The following OCM variants were observed in gnomAD, a reference collection of about 807,000 sequenced individuals.
The protein encoded by OCM is oncomodulin.
OCM carries 18 observed loss-of-function variants against 14.1 expected under a neutral mutation model. That is an observed-to-expected ratio of 1.28 (90% confidence interval 0.88 to 1.89). The LOEUF is 1.89. Ranked by LOEUF, OCM falls within the 40% of genes most tolerant of loss-of-function variation. The probability of loss-of-function intolerance (pLI) is 0.00; values close to 1 mark genes in which losing one functional copy is unlikely to be tolerated. For missense variants in OCM, 140 were observed against 137.6 expected (o/e 1.02, Z -0.09); for synonymous variants, 48 against 51.0 (o/e 0.94, Z 0.25).
chr7:5,863,981 G>C, the OCM span, among the ~76,000 whole-genome samples: 1 of 151,970 alleles, frequency 6.6e-6, no homozygotes, highest in Non-Finnish European at 1.5e-5. Flanking sequence ...CATCTGCTGA[G>C]GATGAAGACA....
chr7:5,864,097 T>G, the OCM span, among the ~76,000 whole-genome samples: 6 of 151,940 alleles, frequency 3.9e-5, no homozygotes, highest in Middle Eastern at 3.4e-3. Flanking sequence ...CCCGGCACTT[T>G]AGGAGGCTGA....
chr7:5,873,991 G>A, the OCM span, among the ~76,000 whole-genome samples: 6 of 150,948 alleles, frequency 4.0e-5, no homozygotes, highest in Non-Finnish European at 5.9e-5. Context: ...TGAGGGGGGC[G>A]GACTACTTGA....
At chr7:5,863,879 C>T in the OCM span, among the ~76,000 whole-genome samples, 17 of 152,100 alleles carry the variant, frequency 1.1e-4, no homozygotes, top group South Asian at 2.3e-3. Context: ...TGAGTGGATG[C>T]AGAGGCTGGG....
chr7:5,882,766 A>C (rs1187882054), intron 2 of OCM, 141 bp downstream of exon 2: 1 of 978,370 alleles, frequency 1.0e-6, no homozygotes, highest in Non-Finnish European at 1.5e-6. Flanking sequence ...AGCAAAGGAC[A>C]TGAGTCAGTT....
the OCM span, chr7:5,871,630 C>G: frequency 0.038 from 5,843 of 152,276 alleles, 153 homozygotes; most frequent in Non-Finnish European, 0.055. Flanking sequence ...GGTGTGAGAC[C>G]TGTAGTCTTC....
intron 3 of OCM, among the ~76,000 whole-genome samples, chr7:5,885,351 C>T (rs539606732): frequency 3.7e-4 from 56 of 152,122 alleles, no homozygotes; most frequent in African/African-American, 1.2e-3. Context: ...TACCCAGCTA[C>T]GGAATAGAGA....
At chr7:5,874,859 G>T (rs1298359508), upstream of OCM, among the ~76,000 whole-genome samples, 3 of 151,852 alleles carry the variant, frequency 2.0e-5, no homozygotes, top group East Asian at 5.8e-4. Context: ...TTGTGCAACT[G>T]TCACCACCAT....
At chr7:5,876,804 T>A (rs540348670), upstream of OCM, among the ~76,000 whole-genome samples, 50 of 150,850 alleles carry the variant, frequency 3.3e-4, no homozygotes, top group Non-Finnish European at 5.6e-4. Context: ...ATTGTCTACT[T>A]CTTTTTTTTT....
At chr7:5,880,760 AT>A, upstream of OCM, 26 of 817,042 alleles carry the variant, frequency 3.2e-5, no homozygotes, top group Non-Finnish European at 4.1e-5. Context: ...CTCCGTCTTA[AT>A]TTAAAAAAAA....
intron 1 of OCM, among the ~76,000 whole-genome samples, chr7:5,882,059 C>G (rs1340364178): frequency 7.4e-6 from 1 of 135,584 alleles, no homozygotes; most frequent in African/African-American, 2.8e-5. Context: ...TGCACTCCAG[C>G]CTGGTGACAG....
chr7:5,872,648 T>C, the OCM span, among the ~76,000 whole-genome samples: 3 of 152,054 alleles, frequency 2.0e-5, no homozygotes, highest in Admixed American at 6.6e-5. Flanking sequence ...GGGCAAGATG[T>C]GCTTTGTTAC....
the OCM span, among the ~76,000 whole-genome samples, chr7:5,873,477 C>G: frequency 6.6e-6 from 1 of 152,024 alleles, no homozygotes; most frequent in Non-Finnish European, 1.5e-5. Context: ...GGCAGGAGGA[C>G]TGCTCAAGCC....
chr7:5,869,222 G>A, the OCM span, among the ~76,000 whole-genome samples: 1 of 152,150 alleles, frequency 6.6e-6, no homozygotes, highest in Non-Finnish European at 1.5e-5. Flanking sequence ...TGTTCCCCAC[G>A]AGGGGGTGCC....
At chr7:5,865,500 T>G in the OCM span, among the ~76,000 whole-genome samples, 1 of 152,180 alleles carries the variant, frequency 6.6e-6, no homozygotes, top group Admixed American at 6.5e-5. Flanking sequence ...AGCCACTGCT[T>G]TTTAGAACAC....
upstream of OCM, among the ~76,000 whole-genome samples, chr7:5,879,036 A>T (rs1781155632): frequency 6.6e-6 from 1 of 152,038 alleles, no homozygotes; most frequent in African/African-American, 2.4e-5. Context: ...TCCAAAAAAT[A>T]TGCATATTTA....
At chr7:5,873,463 T>C in the OCM span, among the ~76,000 whole-genome samples, 12 of 152,090 alleles carry the variant, frequency 7.9e-5, no homozygotes, top group African/African-American at 2.9e-4. Context: ...ACTCAGGAGA[T>C]TGAGGCAGGA....
chr7:5,881,746 G>A (rs188526315), intron 1 of OCM, among the ~76,000 whole-genome samples: 14 of 152,164 alleles, frequency 9.2e-5, no homozygotes, highest in Admixed American at 2.0e-4. Flanking sequence ...CTGAGCACAC[G>A]ATTACACATC....
chr7:5,872,166 G>A, the OCM span: 9 of 152,184 alleles, frequency 5.9e-5, no homozygotes, highest in African/African-American at 2.2e-4. Flanking sequence ...TTTTGCCCTG[G>A]CCCGTGGGTA....
the OCM span, among the ~76,000 whole-genome samples, chr7:5,861,905 T>C: frequency 3.9e-5 from 6 of 152,012 alleles, no homozygotes; most frequent in Admixed American, 3.9e-4. Context: ...AAAATTTTTT[T>C]AGAGACAGGG....
Sources: allele counts gnomAD v4.1 joint callset (sites outside exome capture counted in the v4.1 genomes callset), GRCh38; gene constraint gnomAD v4.1.1; transcripts MANE v1.5; gene names NCBI Gene and HGNC (gene_info 2026-07-23, HGNC 2026-07-21).